Variants in IQCM observed in about 807,000 individuals in gnomAD.
The protein encoded by IQCM is IQ motif containing M.
IQCM carries 45 observed loss-of-function variants against 57.6 expected under a neutral mutation model. The ratio of observed to expected loss-of-function variants is 0.78; its 90% CI spans 0.62 to 1.00. The LOEUF is 1.00. IQCM is among the 50% of genes least tolerant of loss of function. The pLI is 0.00. For synonymous variants in IQCM, 148 were observed against 158.9 expected, an observed-to-expected ratio of 0.93 and a Z score of 0.51; for missense variants, 468 against 511.6, an observed-to-expected ratio of 0.91 and a Z score of 0.82.
chr4:149,494,280 G>A (rs1742418999), intron 12 of IQCM, among the ~76,000 whole-genome samples: 1 of 151,926 alleles, frequency 6.6e-6, no homozygotes, highest in African/African-American at 2.4e-5. Flanking sequence ...TACAACAATT[G>A]CAACAAGTCT....
intron 3 of IQCM, among the ~76,000 whole-genome samples, chr4:149,742,180 ACT>A (rs1306313922): frequency 6.6e-6 from 1 of 152,014 alleles, no homozygotes; most frequent in Non-Finnish European, 1.5e-5. Flanking sequence ...TATCTTCGAA[ACT>A]CTATATGTAT....
intron 12 of IQCM, among the ~76,000 whole-genome samples, chr4:149,477,185 C>A (rs1740292565): frequency 6.6e-6 from 1 of 152,128 alleles, no homozygotes; most frequent in African/African-American, 2.4e-5. Context: ...ACTAAAGGTC[C>A]AAATGCCCTT....
chr4:149,552,573 G>C (rs1749141841), intron 11 of IQCM, among the ~76,000 whole-genome samples: 1 of 151,992 alleles, frequency 6.6e-6, no homozygotes, highest in Non-Finnish European at 1.5e-5. Flanking sequence ...TGTTTAGTAG[G>C]CTCGGTGTCC....
chr4:149,582,475 G>T (rs1344439078), intron 9 of IQCM, among the ~76,000 whole-genome samples: 1 of 150,196 alleles, frequency 6.7e-6, no homozygotes, highest in Non-Finnish European at 1.5e-5. Flanking sequence ...TAGGTATTAA[G>T]CTTAAATCAG....
chr4:149,435,411 G>T (rs1274225008), intron 12 of IQCM, among the ~76,000 whole-genome samples: 2 of 152,030 alleles, frequency 1.3e-5, no homozygotes, highest in Admixed American at 1.3e-4. Flanking sequence ...TGTTTATGAT[G>T]ATGCTGGTGT....
chr4:149,562,386 A>G (rs1465591248), intron 10 of IQCM, among the ~76,000 whole-genome samples: 1 of 152,196 alleles, frequency 6.6e-6, no homozygotes, highest in Non-Finnish European at 1.5e-5. Flanking sequence ...TGGGAGTGAA[A>G]AAGTTGAAAG....
chr4:149,676,330 A>T (rs956644840), intron 7 of IQCM, among the ~76,000 whole-genome samples: 1 of 152,086 alleles, frequency 6.6e-6, no homozygotes, highest in Non-Finnish European at 1.5e-5. Flanking sequence ...GTGATGGGGT[A>T]TGTCTTGTGA....
chr4:149,609,836 T>A (rs1755121906), intron 8 of IQCM, among the ~76,000 whole-genome samples: 1 of 151,932 alleles, frequency 6.6e-6, no homozygotes, highest in African/African-American at 2.4e-5. Flanking sequence ...AAGACAAGGA[T>A]GTCCACTTTC....
intron 13 of IQCM, among the ~76,000 whole-genome samples, chr4:149,390,524 T>A (rs1055191923): frequency 2.0e-5 from 3 of 151,900 alleles, no homozygotes; most frequent in African/African-American, 7.2e-5. Context: ...GGAAAAGTAA[T>A]AATTCCTTCT....
intron 12 of IQCM, among the ~76,000 whole-genome samples, chr4:149,441,398 G>T (rs957927939): frequency 6.6e-6 from 1 of 152,012 alleles, no homozygotes; most frequent in Admixed American, 6.6e-5. Flanking sequence ...TTCAAAATGA[G>T]ATAAAATAAA....
chr4:149,786,133 T>C (rs115072580), intron 2 of IQCM, among the ~76,000 whole-genome samples: 3,398 of 152,302 alleles, frequency 0.022, 64 homozygotes, highest in South Asian at 0.035. Context: ...GAAACATTTC[T>C]GGACTTTGGA....
intron 13 of IQCM, among the ~76,000 whole-genome samples, chr4:149,411,145 A>C (rs949124216): frequency 3.9e-4 from 59 of 152,252 alleles, no homozygotes; most frequent in African/African-American, 1.4e-3. Context: ...AATATCCCTG[A>C]AATTTATAAA....
intron 12 of IQCM, among the ~76,000 whole-genome samples, chr4:149,543,222 T>C (rs1172442340): frequency 2.6e-5 from 4 of 152,060 alleles, no homozygotes; most frequent in Non-Finnish European, 5.9e-5. Context: ...AGAACATCCA[T>C]ATGGCAGATT....
intron 7 of IQCM, among the ~76,000 whole-genome samples, chr4:149,672,543 T>C (rs927207978): frequency 3.9e-5 from 6 of 152,082 alleles, no homozygotes; most frequent in African/African-American, 1.2e-4. Context: ...GAAGATCAAA[T>C]GAGTGAAATG....
chr4:149,650,194 C>T lies in IQCM; in HGVS notation c.566-28950G>A, dbSNP rs1038725926. ...AGATGAGGTCATATTGGTGCCAATA[C>T]GTTTTATGTCCTTATAACAAGAGGA... On this transcript the variant is annotated intron_variant, in intron 7 of 13. Transcript: ENST00000636793. Among the ~76,000 whole-genome samples the T allele has an allele frequency of 2.0e-4, 14 of 70,630 alleles. No individual in the cohort carries two copies. The East Asian group carries it at 5.9e-3, about 30-fold the overall frequency. 46.3% of individuals were successfully genotyped at this position (70,630 alleles called of 152,430 possible). A position where few individuals can be genotyped will look rare whatever the true frequency, so the allele number is the denominator to read the frequency against.
At chr4:149,629,638 G>A (rs1757089933) in intron 7 of IQCM, among the ~76,000 whole-genome samples, 1 of 151,876 alleles carries the variant, frequency 6.6e-6, no homozygotes. Flanking sequence ...ATAATGTTCT[G>A]TATTTTCCAA....
intron 13 of IQCM, among the ~76,000 whole-genome samples, chr4:149,388,365 C>T (rs919977598): frequency 3.3e-5 from 5 of 151,142 alleles, no homozygotes; most frequent in Non-Finnish European, 7.4e-5. Context: ...TTCATTAATA[C>T]TGACTTTCTT....
intron 8 of IQCM, among the ~76,000 whole-genome samples, chr4:149,608,924 G>A (rs1755030552): frequency 6.6e-6 from 1 of 151,220 alleles, no homozygotes; most frequent in African/African-American, 2.4e-5. Flanking sequence ...TAAATGAAAT[G>A]AAAACAACAC....
At chr4:149,729,393 G>A (rs571627189) in intron 5 of IQCM, among the ~76,000 whole-genome samples, 2 of 152,022 alleles carry the variant, frequency 1.3e-5, no homozygotes, top group Admixed American at 1.3e-4. Flanking sequence ...AATCTGTTAG[G>A]CTTTTTAATC....
Sources: gnomAD v4.1 joint callset for allele counts (sites outside exome capture counted in the v4.1 genomes callset) on GRCh38, gnomAD v4.1.1 for gene constraint, MANE v1.5 for transcripts, NCBI Gene and HGNC (gene_info 2026-07-23, HGNC 2026-07-21) for gene names.